Variants in VAV3 observed in about 807,000 individuals in gnomAD.
VAV3 encodes vav guanine nucleotide exchange factor 3.
Under a neutral mutation model 131.2 loss-of-function variants are expected in VAV3, and 94 were observed. The observed-to-expected ratio is 0.72, with a 90% CI of 0.61 to 0.85. VAV3 has a LOEUF of 0.85. Ranked by LOEUF, VAV3 falls within the 40% of genes least tolerant of loss-of-function variation. The pLI, the probability that VAV3 is intolerant of heterozygous loss-of-function variation, is 0.00. For missense variants in VAV3, 939 were observed against 1,002.7 expected (o/e 0.94, Z 0.86); for synonymous variants, 349 against 342.0 (o/e 1.02, Z -0.22).
chr1:107,800,791 T>A (rs1410900843), intron 2 of VAV3, among the ~76,000 whole-genome samples: 1 of 152,220 alleles, frequency 6.6e-6, no homozygotes, highest in Admixed American at 6.5e-5. Context: ...CTTTGTTGAT[T>A]GTTATCTTTG....
intron 20 of VAV3, among the ~76,000 whole-genome samples, chr1:107,631,940 G>T (rs922408983): frequency 2.0e-5 from 3 of 151,840 alleles, no homozygotes; most frequent in Non-Finnish European, 2.9e-5. Flanking sequence ...ATAAACATAC[G>T]TGTGCATGTA....
intron 15 of VAV3, among the ~76,000 whole-genome samples, chr1:107,731,533 A>G (rs1304695588): frequency 6.6e-6 from 1 of 152,202 alleles, no homozygotes; most frequent in African/African-American, 2.4e-5. Context: ...CCAAGAAGTG[A>G]TATTAGGAAA....
At chr1:107,753,834 A>G (rs1663934056) in intron 12 of VAV3, among the ~76,000 whole-genome samples, 1 of 151,998 alleles carries the variant, frequency 6.6e-6, no homozygotes, top group African/African-American at 2.4e-5. Context: ...TGCTGGGATT[A>G]CATGTGTGAG....
intron 20 of VAV3, among the ~76,000 whole-genome samples, chr1:107,618,459 G>C (rs1031453981): frequency 6.6e-5 from 10 of 152,134 alleles, no homozygotes; most frequent in Admixed American, 4.6e-4. Flanking sequence ...AAAGAAATAG[G>C]ATACTTATTA....
rs913713870 is a variant in VAV3 at position 107,843,681 on chromosome 1, T to A, written c.321+31220A>T. Among the ~76,000 whole-genome samples the A allele has an allele frequency of 3.3e-5, 5 of 151,976 alleles. No homozygotes were observed. In the East Asian group the frequency reaches 9.7e-4, roughly 29 times the overall value. Reference sequence around the variant, plus strand: ...CTGGAACATAGAAAGCCAAACTTCATCCCACACTGTCTGCACCAAGTTTTT... The same window carrying A: ...CTGGAACATAGAAAGCCAAACTTCAACCCACACTGTCTGCACCAAGTTTTT... On this transcript the variant is annotated intron_variant, in intron 2 of 26. Coordinates refer to ENST00000370056, the MANE Select transcript of VAV3 (RefSeq NM_006113.5).
chr1:107,835,419 G>A (rs900600472), intron 2 of VAV3, among the ~76,000 whole-genome samples: 1 of 152,166 alleles, frequency 6.6e-6, no homozygotes, highest in African/African-American at 2.4e-5. Flanking sequence ...TGGTCCTCAA[G>A]CAGGGAAAGA....
At chr1:107,584,340 AGG>A (rs1202841640) in intron 25 of VAV3, among the ~76,000 whole-genome samples, 13 of 152,354 alleles carry the variant, frequency 8.5e-5, no homozygotes, top group East Asian at 1.9e-4. Context: ...TTCAGGACAT[AGG>A]CATGGGCAAG....
chr1:107,765,032 A>C (rs1664660554), intron 9 of VAV3, 44 bp downstream of exon 9: 1 of 1,340,322 alleles, frequency 7.5e-7, no homozygotes, highest in Admixed American at 1.8e-5. Flanking sequence ...CATTGCTTTT[A>C]GGTTTATTTT....
At chr1:107,760,969 A>AT (rs1664378504) in intron 9 of VAV3, 90 bp from the exon 10 acceptor site, 2 of 751,980 alleles carry the variant, frequency 2.7e-6, no homozygotes, top group Non-Finnish European at 4.3e-6. Context: ...TATACAATAA[A>AT]TGAGTGCGTT....
chr1:107,604,666 T>C (rs912057816), intron 22 of VAV3, among the ~76,000 whole-genome samples: 2 of 152,214 alleles, frequency 1.3e-5, no homozygotes, highest in Non-Finnish European at 2.9e-5. Context: ...TAAAGAATGT[T>C]GTCCTGCATC....
intron 19 of VAV3, among the ~76,000 whole-genome samples, chr1:107,662,815 G>C (rs1041300583): frequency 1.3e-5 from 2 of 152,210 alleles, no homozygotes; most frequent in Admixed American, 1.3e-4. Context: ...GAAGCTAAAA[G>C]TTGGTAACCT....
chr1:107,874,754 G>T, intron 2 of VAV3, 147 bp downstream of exon 2: 2 of 616,268 alleles, frequency 3.2e-6, no homozygotes, highest in South Asian at 2.7e-5. Flanking sequence ...TTGGTTTTTG[G>T]TTTTGCTAAG....
At chr1:107,629,628 GAAGACA>G (rs1203051435) in intron 20 of VAV3, among the ~76,000 whole-genome samples, 1 of 152,128 alleles carries the variant, frequency 6.6e-6, no homozygotes, top group Non-Finnish European at 1.5e-5. Context: ...AAAAAAAGAA[GAAGACA>G]AAGAAGAAAA....
At chr1:107,699,894 T>C (rs891410250) in intron 17 of VAV3, among the ~76,000 whole-genome samples, 1 of 152,018 alleles carries the variant, frequency 6.6e-6, no homozygotes, top group African/African-American at 2.4e-5. Context: ...AGAGGAAACA[T>C]CACATATAAG....
chr1:107,790,868 A>C (rs530165373), intron 2 of VAV3, among the ~76,000 whole-genome samples: 1 of 151,522 alleles, frequency 6.6e-6, no homozygotes, highest in Admixed American at 6.6e-5. Context: ...TTGTATTTTT[A>C]CTAGAGACGG....
intron 2 of VAV3, among the ~76,000 whole-genome samples, chr1:107,860,562 A>C (rs1669691637): frequency 6.6e-6 from 1 of 151,580 alleles, no homozygotes; most frequent in Non-Finnish European, 1.5e-5. Context: ...ACTTGGTATG[A>C]TGATAGTGTC....
At chr1:107,804,753 T>C (rs1310563001) in intron 2 of VAV3, among the ~76,000 whole-genome samples, 1 of 147,606 alleles carries the variant, frequency 6.8e-6, no homozygotes, top group Non-Finnish European at 1.5e-5. Flanking sequence ...TACTTTCAAA[T>C]ATTTTTGGTT....
chr1:107,934,372 A>G (rs762660179), intron 1 of VAV3, among the ~76,000 whole-genome samples: 2 of 152,250 alleles, frequency 1.3e-5, no homozygotes, highest in Non-Finnish European at 2.9e-5. Context: ...AACCCTTAGA[A>G]CAGAGCAGAA....
chr1:107,587,990 T>A (rs1222789820), intron 25 of VAV3, among the ~76,000 whole-genome samples: 1 of 152,218 alleles, frequency 6.6e-6, no homozygotes, highest in African/African-American at 2.4e-5. Flanking sequence ...TCATAAGTAC[T>A]GCTCTGAGCC....
Sources: allele counts gnomAD v4.1 joint callset (sites outside exome capture counted in the v4.1 genomes callset), GRCh38; gene constraint gnomAD v4.1.1; transcripts MANE v1.5; gene names NCBI Gene and HGNC (gene_info 2026-07-23, HGNC 2026-07-21).